The following ZNF704 variants were observed in gnomAD, a reference collection of about 807,000 sequenced individuals.
The protein encoded by ZNF704 is zinc finger protein 704, also known as glucocorticoid induced gene 1.
ZNF704 carries 10 observed loss-of-function variants against 44.7 expected under a neutral mutation model. The observed-to-expected ratio is 0.22, with a 90% CI of 0.14 to 0.38. ZNF704 has a LOEUF of 0.38. Ranked by LOEUF, ZNF704 falls within the 10% of genes least tolerant of loss-of-function variation. The pLI is 1.00. For missense variants in ZNF704, 390 were observed against 545.5 expected, an observed-to-expected ratio of 0.71 and a Z score of 2.84; for synonymous variants, 211 against 207.6, an observed-to-expected ratio of 1.02 and a Z score of -0.14.
intron 4 of ZNF704, among the ~76,000 whole-genome samples, chr8:80,685,405 T>A (rs1585951522): frequency 1.3e-5 from 2 of 152,096 alleles, no homozygotes; most frequent in South Asian, 2.1e-4. Flanking sequence ...GGGCCGTGAG[T>A]CCTTGTCACA....
chr8:80,641,568 G>GTA, intron 8 of ZNF704, 91 bp from the exon 9 acceptor site: 2 of 527,982 alleles, frequency 3.8e-6, no homozygotes, highest in Non-Finnish European at 5.7e-6. Context: ...GAGTGAGGGA[G>GTA]GAAAAAAAAA....
In ZNF704 at chr8:80,736,799, C is replaced by T. The variant is rs1236747811; in HGVS notation, c.222-43692G>A. Among the ~76,000 whole-genome samples the T allele has an allele frequency of 8.0e-4, 122 of 152,068 alleles. 1 individual carries two copies. The highest frequency in any genetic ancestry group is 1.6e-4 in the Non-Finnish European group (11 of 68,010). On this transcript the variant is annotated intron_variant, in intron 2 of 8. Coordinates refer to ENST00000327835, the MANE Select transcript of ZNF704 (RefSeq NM_001033723.3). Reference sequence around the variant, plus strand: ...AATCTCAGGAATCACCACTAAAGAACTTATTCATGTAATCAAACACCACCT... The same window carrying T: ...AATCTCAGGAATCACCACTAAAGAATTTATTCATGTAATCAAACACCACCT...
In ZNF704 at chr8:80,666,836, T is replaced by C. The variant is rs1224453906; in HGVS notation, c.660-1754A>G. On this transcript the variant is annotated intron_variant, in intron 5 of 8. Transcript: ENST00000327835. ...TGTTTGTTTTTTTCTTGTAAATTTG[T>C]TGGAGTTCATTGTAGATTCTGGATA... 2.0e-5 allele frequency among the ~76,000 whole-genome samples: 3 copies of C among 151,406 alleles called. No individual in the cohort carries two copies. The East Asian group carries it at 5.8e-4, about 29-fold the overall frequency.
chr8:80,672,976 T>C (rs1176158822), intron 4 of ZNF704, among the ~76,000 whole-genome samples: 2 of 152,078 alleles, frequency 1.3e-5, no homozygotes, highest in Admixed American at 6.5e-5. Flanking sequence ...CTAATTAACG[T>C]AGTAAATAAC....
chr8:80,790,145 A>G (rs941333996), intron 2 of ZNF704, among the ~76,000 whole-genome samples: 4 of 152,216 alleles, frequency 2.6e-5, no homozygotes, highest in Non-Finnish European at 5.9e-5. Context: ...CCTCCGGGTT[A>G]GGGGTATTTT....
At chr8:80,812,664 T>A (rs535300618) in intron 2 of ZNF704, 5 of 152,432 alleles carry the variant, frequency 3.3e-5, no homozygotes, top group African/African-American at 1.2e-4. Flanking sequence ...AGTGCCCTTC[T>A]GGCTCTCATT....
chr8:80,672,099 T>C (rs1321798744), intron 4 of ZNF704, among the ~76,000 whole-genome samples: 1 of 152,112 alleles, frequency 6.6e-6, no homozygotes, highest in Admixed American at 6.5e-5. Context: ...CATTAAAAAG[T>C]GGTCAAAGGA....
At chr8:80,702,354 A>G (rs1447346591) in intron 2 of ZNF704, among the ~76,000 whole-genome samples, 1 of 152,134 alleles carries the variant, frequency 6.6e-6, no homozygotes, top group Non-Finnish European at 1.5e-5. Context: ...GAGAAAATGG[A>G]GCAGGACACC....
At chr8:80,739,926 CA>C (rs1391623629) in intron 2 of ZNF704, among the ~76,000 whole-genome samples, 1 of 152,188 alleles carries the variant, frequency 6.6e-6, no homozygotes, top group Non-Finnish European at 1.5e-5. Context: ...GATGATCCAG[CA>C]GCAGGACTGA....
chr8:80,772,956 ATTTAGTATAATGCAT>A, intron 2 of ZNF704, among the ~76,000 whole-genome samples: 1 of 152,062 alleles, frequency 6.6e-6, no homozygotes, highest in Non-Finnish European at 1.5e-5. Context: ...TTTCATTTTC[ATTTAGTATAATGCAT>A]TTTAAAATTT....
At chr8:80,721,209 T>G (rs1365088083) in intron 2 of ZNF704, among the ~76,000 whole-genome samples, 1 of 152,192 alleles carries the variant, frequency 6.6e-6, no homozygotes, top group African/African-American at 2.4e-5. Flanking sequence ...GAACAGAGAT[T>G]TGCAATTTAA....
chr8:80,758,333 T>C (rs1807071956), intron 2 of ZNF704, among the ~76,000 whole-genome samples: 1 of 152,208 alleles, frequency 6.6e-6, no homozygotes, highest in African/African-American at 2.4e-5. Flanking sequence ...CTTAAGAGAC[T>C]GATGAAGTGT....
At chr8:80,719,638 C>A (rs1228072624) in intron 2 of ZNF704, among the ~76,000 whole-genome samples, 1 of 152,180 alleles carries the variant, frequency 6.6e-6, no homozygotes, top group Admixed American at 6.5e-5. Context: ...TCCCATAAAT[C>A]TTCTGTGGGG....
intron 2 of ZNF704, among the ~76,000 whole-genome samples, chr8:80,708,219 G>T (rs1271212682): frequency 6.6e-6 from 1 of 152,174 alleles, no homozygotes; most frequent in Admixed American, 6.5e-5. Flanking sequence ...AATATCCACA[G>T]GCTGGACAAT....
At chr8:80,848,058 T>C (rs1350278737) in intron 1 of ZNF704, among the ~76,000 whole-genome samples, 6 of 152,178 alleles carry the variant, frequency 3.9e-5, no homozygotes, top group Admixed American at 6.6e-5. Flanking sequence ...CTGTGGATAT[T>C]CACAGTAATC....
At chr8:80,845,934 T>C (rs1299390325) in intron 1 of ZNF704, among the ~76,000 whole-genome samples, 2 of 152,190 alleles carry the variant, frequency 1.3e-5, no homozygotes, top group African/African-American at 4.8e-5. Context: ...TCTGCCATAC[T>C]AAAAACTATC....
chr8:80,648,170 C>T (rs532504772), intron 7 of ZNF704, among the ~76,000 whole-genome samples: 1 of 152,272 alleles, frequency 6.6e-6, no homozygotes, highest in South Asian at 2.1e-4. Flanking sequence ...AAGGGTTCCA[C>T]CTCTCAACAC....
At chr8:80,736,657 G>A (rs1806671624) in intron 2 of ZNF704, among the ~76,000 whole-genome samples, 1 of 152,158 alleles carries the variant, frequency 6.6e-6, no homozygotes, top group Non-Finnish European at 1.5e-5. Context: ...GGGATGCAAA[G>A]GCATAAGAAT....
At chr8:80,641,818 G>A (rs1157178471) in intron 8 of ZNF704, among the ~76,000 whole-genome samples, 3 of 152,080 alleles carry the variant, frequency 2.0e-5, no homozygotes, top group African/African-American at 4.8e-5. Flanking sequence ...CCAAGATCGC[G>A]CTGCACTCCA....
Sources: allele counts gnomAD v4.1 joint callset (sites outside exome capture counted in the v4.1 genomes callset), GRCh38; gene constraint gnomAD v4.1.1; transcripts MANE v1.5; gene names NCBI Gene and HGNC (gene_info 2026-07-23, HGNC 2026-07-21).